The following GRB10 variants were observed in gnomAD, a reference collection of about 807,000 sequenced individuals.
GRB10 encodes growth factor receptor-bound protein 10.
A neutral mutation model predicts 80.9 loss-of-function variants in GRB10; 20 were observed. The ratio of observed to expected loss-of-function variants is 0.25; its 90% CI spans 0.17 to 0.36. The LOEUF (loss-of-function observed/expected upper bound fraction) is 0.36, where lower values mean the gene tolerates loss of function less well. GRB10 is among the 10% of genes least tolerant of loss of function. The probability of loss-of-function intolerance (pLI) is 1.00; values close to 1 mark genes in which losing one functional copy is unlikely to be tolerated. For missense variants in GRB10, 548 were observed against 747.7 expected (o/e 0.73, Z 3.12); for synonymous variants, 291 against 291.5 (o/e 1.00, Z 0.02).
At chr7:50,791,575 T>C (rs1302232524) in intron 1 of GRB10, among the ~76,000 whole-genome samples, 2 of 152,222 alleles carry the variant, frequency 1.3e-5, no homozygotes, top group Non-Finnish European at 2.9e-5. Context: ...CAGGAGGTTG[T>C]AGAGGGGATT....
chr7:50,787,055 G>T (rs939097928), upstream of GRB10, among the ~76,000 whole-genome samples: 1 of 152,218 alleles, frequency 6.6e-6, no homozygotes. Context: ...TGTCCTAGGA[G>T]AAAATCACAG....
intron 5 of GRB10, among the ~76,000 whole-genome samples, chr7:50,677,289 C>A (rs2061057105): frequency 6.6e-6 from 1 of 152,182 alleles, no homozygotes; most frequent in Admixed American, 6.5e-5. Context: ...AGGAAGAACA[C>A]TCAGAGTCAG....
chr7:50,753,111 T>C (rs1587862520), intron 3 of GRB10, among the ~76,000 whole-genome samples: 2 of 152,202 alleles, frequency 1.3e-5, no homozygotes, highest in Admixed American at 1.3e-4. Flanking sequence ...TCTAGTGCCA[T>C]GGCCCGTCAC....
At chr7:50,665,310 T>C (rs2059685490) in intron 7 of GRB10, among the ~76,000 whole-genome samples, 1 of 152,266 alleles carries the variant, frequency 6.6e-6, no homozygotes, top group African/African-American at 2.4e-5. Flanking sequence ...CAATAGACTC[T>C]GGCTTAAATA....
In GRB10 at chr7:50,781,765, G is replaced by A. The variant is rs553762340; in HGVS notation, c.-327+659C>T. Among the ~76,000 whole-genome samples, 13 of 152,362 alleles carry A rather than the reference G, an allele frequency of 8.5e-5. No homozygotes were observed. In the South Asian group the frequency reaches 1.7e-3, roughly 19 times the overall value. On this transcript the variant is annotated intron_variant, in intron 1 of 18. Coordinates refer to ENST00000401949, the MANE Select transcript of GRB10 (RefSeq NM_001350814.2). The stretch of plus-strand genomic sequence containing the variant: ...TGTTTTTCTAAAGAGCAAGGGCTAG[G>A]ACGTCCTACGTGTTCATATGCACAA...
chr7:50,640,046 T>G (rs1310978580), intron 7 of GRB10, among the ~76,000 whole-genome samples: 5 of 152,172 alleles, frequency 3.3e-5, no homozygotes, highest in East Asian at 1.9e-4. Context: ...CCAGTACCAG[T>G]GTCCTTGCTG....
intron 13 of GRB10, chr7:50,606,680 G>A: frequency 2.0e-6 from 1 of 501,064 alleles, no homozygotes; most frequent in Non-Finnish European, 3.6e-6. Flanking sequence ...AAGCCTTAAT[G>A]ATAACATAAA....
At chr7:50,747,847 C>T (rs2073266913) in intron 3 of GRB10, among the ~76,000 whole-genome samples, 1 of 151,902 alleles carries the variant, frequency 6.6e-6, no homozygotes, top group Admixed American at 6.6e-5. Flanking sequence ...AGGGCGTCTC[C>T]AGACATCGAG....
At chr7:50,746,177 T>G (rs550407679) in intron 3 of GRB10, among the ~76,000 whole-genome samples, 2 of 152,276 alleles carry the variant, frequency 1.3e-5, no homozygotes, top group South Asian at 4.1e-4. Flanking sequence ...TTATGATGAG[T>G]TGATGAGGAT....
At chr7:50,735,910 T>C (rs755022724) in intron 3 of GRB10, among the ~76,000 whole-genome samples, 1 of 152,074 alleles carries the variant, frequency 6.6e-6, no homozygotes, top group Non-Finnish European at 1.5e-5. Context: ...CATCCTAAAA[T>C]TCATATGGCT....
intron 10 of GRB10, among the ~76,000 whole-genome samples, chr7:50,617,722 C>G (rs566220535): frequency 6.6e-6 from 1 of 152,282 alleles, no homozygotes; most frequent in South Asian, 2.1e-4. Flanking sequence ...CCTGGGACCC[C>G]TGCTCAGAAA....
intron 4 of GRB10, among the ~76,000 whole-genome samples, chr7:50,713,841 G>A (rs572237262): frequency 8.3e-5 from 12 of 144,052 alleles, no homozygotes; most frequent in East Asian, 4.4e-4. Flanking sequence ...CCTCCACCTC[G>A]TCCACTTCCT....
At chr7:50,715,630 A>G (rs2066734598) in intron 4 of GRB10, among the ~76,000 whole-genome samples, 1 of 152,166 alleles carries the variant, frequency 6.6e-6, no homozygotes, top group Non-Finnish European at 1.5e-5. Context: ...CTCACCAATA[A>G]AATCAGGTTT....
intron 7 of GRB10, among the ~76,000 whole-genome samples, chr7:50,663,431 C>T (rs1357933960): frequency 6.6e-6 from 1 of 152,226 alleles, no homozygotes; most frequent in African/African-American, 2.4e-5. Context: ...CCTCCTGCCA[C>T]AGCCTCTCAC....
At chr7:50,692,313 CAT>C (rs1018129234) in intron 5 of GRB10, among the ~76,000 whole-genome samples, 1 of 151,992 alleles carries the variant, frequency 6.6e-6, no homozygotes, top group African/African-American at 2.4e-5. Flanking sequence ...CACACGCACA[CAT>C]ATATATATAA....
intron 4 of GRB10, among the ~76,000 whole-genome samples, chr7:50,713,082 A>T (rs1035160087): frequency 6.6e-6 from 1 of 152,192 alleles, no homozygotes; most frequent in African/African-American, 2.4e-5. Flanking sequence ...ATTTTGGCCG[A>T]AAGGGGGACA....
Position 50,665,879 on chromosome 7 carries a change from C to G in GRB10, c.504+3843G>C, listed in dbSNP as rs12538241. On this transcript the variant is annotated intron_variant, in intron 7 of 18. Transcript: ENST00000401949. ...CCTTTGCGCCGGTGTACGTCTCCCC[C>G]ACAGCTGGAGGATCACAGGTTTGAA... Among the ~76,000 whole-genome samples the G allele has an allele frequency of 3.5e-3, 527 of 152,310 alleles. 3 individuals carry two copies. The highest frequency in any genetic ancestry group is 0.01 in the Middle Eastern group (3 of 294).
upstream of GRB10, among the ~76,000 whole-genome samples, chr7:50,783,492 C>G (rs944809454): frequency 1.7e-4 from 26 of 151,340 alleles, no homozygotes; most frequent in Non-Finnish European, 3.0e-4. Flanking sequence ...ACACCACACA[C>G]ATACATACAC....
At chr7:50,746,250 A>G (rs2072874550) in intron 3 of GRB10, among the ~76,000 whole-genome samples, 1 of 152,192 alleles carries the variant, frequency 6.6e-6, no homozygotes, top group Non-Finnish European at 1.5e-5. Flanking sequence ...TTTCTACTGA[A>G]CACTTGTCGA....
Sources: gnomAD v4.1 joint callset for allele counts (sites outside exome capture counted in the v4.1 genomes callset) on GRCh38, gnomAD v4.1.1 for gene constraint, MANE v1.5 for transcripts, NCBI Gene and HGNC (gene_info 2026-07-23, HGNC 2026-07-21) for gene names.